Variants in DOCK2 observed in about 807,000 individuals in gnomAD.
DOCK2 encodes the protein dedicator of cytokinesis 2.
Under a neutral mutation model 248.9 loss-of-function variants are expected in DOCK2, and 87 were observed. That is an observed-to-expected ratio of 0.35 (90% CI 0.29 to 0.42). DOCK2 has a LOEUF of 0.42. Among genes scored for constraint, DOCK2 ranks in the 10% least tolerant of loss-of-function variants. The pLI is 1.00. For missense variants in DOCK2, 1,747 were observed against 2,300.2 expected (o/e 0.76, Z 4.92); for synonymous variants, 805 against 821.6 (o/e 0.98, Z 0.35).
intron 23 of DOCK2, among the ~76,000 whole-genome samples, chr5:169,754,493 A>G (rs1764083675): frequency 6.6e-6 from 1 of 152,172 alleles, no homozygotes; most frequent in South Asian, 2.1e-4. Context: ...GCAACCCCCT[A>G]TAGATGTGGT....
intron 27 of DOCK2, among the ~76,000 whole-genome samples, chr5:169,963,878 T>C (rs1170370844): frequency 6.6e-6 from 1 of 152,100 alleles, no homozygotes; most frequent in Non-Finnish European, 1.5e-5. Context: ...GATGCTCTAA[T>C]TCAGTGGGTG....
intron 22 of DOCK2, among the ~76,000 whole-genome samples, chr5:169,732,221 A>C (rs1046886143): frequency 1.3e-5 from 2 of 152,174 alleles, no homozygotes; most frequent in African/African-American, 4.8e-5. Context: ...GAGCCACAGC[A>C]TTTTATTCTG....
At chr5:169,877,546 T>C (rs1772401452) in intron 27 of DOCK2, among the ~76,000 whole-genome samples, 1 of 152,134 alleles carries the variant, frequency 6.6e-6, no homozygotes, top group Admixed American at 6.5e-5. Flanking sequence ...AAAGTAAATA[T>C]GGGAAGAAAA....
At chr5:169,688,446 T>A (rs1002946372) in intron 8 of DOCK2, among the ~76,000 whole-genome samples, 32 of 152,260 alleles carry the variant, frequency 2.1e-4, no homozygotes, top group Non-Finnish European at 7.3e-5. Context: ...ACAGCCTGAC[T>A]ATTCCTTATT....
chr5:169,894,526 C>A (rs1773481655), intron 27 of DOCK2, among the ~76,000 whole-genome samples: 1 of 152,162 alleles, frequency 6.6e-6, no homozygotes, highest in African/African-American at 2.4e-5. Context: ...CTTCTGGATC[C>A]CTGCCTACAC....
intron 27 of DOCK2, among the ~76,000 whole-genome samples, chr5:169,929,890 C>T (rs1436705239): frequency 6.6e-6 from 1 of 152,174 alleles, no homozygotes; most frequent in African/African-American, 2.4e-5. Context: ...ATGGTAGCCA[C>T]TAGCCACACA....
intron 22 of DOCK2, among the ~76,000 whole-genome samples, chr5:169,722,877 G>A (rs940544547): frequency 2.6e-5 from 4 of 152,088 alleles, no homozygotes; most frequent in African/African-American, 9.7e-5. Flanking sequence ...TTATTTCTCT[G>A]GAGGCAGGGA....
intron 32 of DOCK2, among the ~76,000 whole-genome samples, chr5:170,015,691 G>A (rs1581528958): frequency 6.6e-6 from 1 of 152,100 alleles, no homozygotes; most frequent in African/African-American, 2.4e-5. Context: ...TGCAGCGTCT[G>A]TGCCAGCCTT....
At chr5:169,799,944 A>G (rs1766867537) in intron 25 of DOCK2, among the ~76,000 whole-genome samples, 1 of 152,056 alleles carries the variant, frequency 6.6e-6, no homozygotes, top group Admixed American at 6.6e-5. Context: ...AGCTGGGACT[A>G]CAGGCATCCA....
intron 25 of DOCK2, among the ~76,000 whole-genome samples, chr5:169,796,628 G>A (rs941000164): frequency 6.6e-6 from 1 of 152,176 alleles, no homozygotes; most frequent in Non-Finnish European, 1.5e-5. Context: ...GTGATAAATA[G>A]TAAGATGGAA....
chr5:169,716,397 G>C, intron 20 of DOCK2, 95 bp downstream of exon 20: 1 of 1,253,174 alleles, frequency 8.0e-7, no homozygotes, highest in Admixed American at 1.9e-5. Flanking sequence ...TGGCCCTCAT[G>C]GCCTTTTTCA....
At chr5:170,080,034 A>G in intron 49 of DOCK2, 129 bp from the exon 50 acceptor site, 1 of 1,499,614 alleles carries the variant, frequency 6.7e-7, no homozygotes, top group South Asian at 1.3e-5. Context: ...TACAGAATAA[A>G]TGAACTTGGA....
At chr5:169,661,647 CT>C (rs890381308) in intron 2 of DOCK2, among the ~76,000 whole-genome samples, 3 of 152,244 alleles carry the variant, frequency 2.0e-5, no homozygotes, top group African/African-American at 7.2e-5. Flanking sequence ...CTGGTAACCC[CT>C]GTTTCATTCT....
intron 33 of DOCK2, among the ~76,000 whole-genome samples, chr5:170,026,284 A>G (rs1203395229): frequency 2.0e-5 from 3 of 152,120 alleles, no homozygotes; most frequent in Non-Finnish European, 4.4e-5. Flanking sequence ...TCTGCCATTC[A>G]TCTAAGACTT....
At chr5:169,915,362 G>A (rs2113633349) in intron 27 of DOCK2, among the ~76,000 whole-genome samples, 1 of 152,170 alleles carries the variant, frequency 6.6e-6, no homozygotes, top group East Asian at 1.9e-4. Flanking sequence ...AATATTAATT[G>A]CAGGCTTATT....
chr5:169,974,682 AG>A (rs1175853755), intron 27 of DOCK2, among the ~76,000 whole-genome samples: 1 of 152,140 alleles, frequency 6.6e-6, no homozygotes, highest in Non-Finnish European at 1.5e-5. Flanking sequence ...GATTTTTCTC[AG>A]GGAGGTGTGA....
At chr5:169,760,772 C>T (rs767387625) in intron 24 of DOCK2, among the ~76,000 whole-genome samples, 1 of 152,144 alleles carries the variant, frequency 6.6e-6, no homozygotes, top group Non-Finnish European at 1.5e-5. Flanking sequence ...AAGTTCCATG[C>T]CAAATGGGAC....
At chr5:169,684,162 T>C in intron 7 of DOCK2, 34 bp from the exon 8 acceptor site, 1 of 1,611,942 alleles carries the variant, frequency 6.2e-7, no homozygotes, top group Non-Finnish European at 8.5e-7. Context: ...GCTAATTTTC[T>C]CCATCTTCTT....
chr5:169,733,803 C>G (rs939058087), intron 22 of DOCK2, among the ~76,000 whole-genome samples: 6 of 152,132 alleles, frequency 3.9e-5, no homozygotes, highest in African/African-American at 1.4e-4. Flanking sequence ...TTTTATCTCT[C>G]TGGTGGCTTG....
Sources: gnomAD v4.1 joint callset for allele counts (sites outside exome capture counted in the v4.1 genomes callset) on GRCh38, gnomAD v4.1.1 for gene constraint, MANE v1.5 for transcripts, NCBI Gene and HGNC (gene_info 2026-07-23, HGNC 2026-07-21) for gene names.